The following NEGR1 variants were observed in gnomAD, a reference collection of about 807,000 sequenced individuals.
NEGR1 encodes neuronal growth regulator 1.
A neutral mutation model predicts 40.9 loss-of-function variants in NEGR1; 10 were observed. The ratio of observed to expected loss-of-function variants is 0.24; its 90% CI spans 0.15 to 0.42. The LOEUF is 0.42. Among genes scored for constraint, NEGR1 ranks in the 10% least tolerant of loss-of-function variants. The probability of loss-of-function intolerance (pLI) is 1.00; values close to 1 mark genes in which losing one functional copy is unlikely to be tolerated. For missense variants in NEGR1, 352 were observed against 438.9 expected, an observed-to-expected ratio of 0.80 and a Z score of 1.77; for synonymous variants, 185 against 166.8, an observed-to-expected ratio of 1.11 and a Z score of -0.84.
chr1:71,585,126 G>A (rs1020420422), intron 6 of NEGR1, among the ~76,000 whole-genome samples: 10 of 151,896 alleles, frequency 6.6e-5, no homozygotes, highest in South Asian at 2.1e-4. Flanking sequence ...TTTTTTTGTC[G>A]AATAAAAATA....
At chr1:71,839,799 G>T (rs1659173338) in intron 2 of NEGR1, among the ~76,000 whole-genome samples, 2 of 151,958 alleles carry the variant, frequency 1.3e-5, no homozygotes, top group African/African-American at 4.8e-5. Context: ...CTATGTTTTT[G>T]GAGAAAATCT....
chr1:71,910,496 A>T (rs1661395909), intron 2 of NEGR1, among the ~76,000 whole-genome samples: 1 of 152,188 alleles, frequency 6.6e-6, no homozygotes, highest in African/African-American at 2.4e-5. Flanking sequence ...AATAATGCTG[A>T]TGCTGCTAGA....
chr1:71,703,778 C>G lies in NEGR1; in HGVS notation c.536-5639G>C, dbSNP rs551619398. Reference sequence around the variant, plus strand: ...AGAGAGAAAAATACAAAAAACCAAACAAGCAAATAAAAATACAGAGCCTCG... The same window carrying G: ...AGAGAGAAAAATACAAAAAACCAAAGAAGCAAATAAAAATACAGAGCCTCG... On this transcript the variant is annotated intron_variant, in intron 3 of 6. Coordinates refer to ENST00000357731, the MANE Select transcript of NEGR1 (RefSeq NM_173808.3). Among the ~76,000 whole-genome samples, 67 of 151,530 alleles carry G rather than the reference C, an allele frequency of 4.4e-4. No homozygotes were observed. The South Asian group carries it at 4.8e-3, about 11-fold the overall frequency.
intron 3 of NEGR1, among the ~76,000 whole-genome samples, chr1:71,727,930 T>C (rs550251362): frequency 6.6e-6 from 1 of 152,186 alleles, no homozygotes; most frequent in African/African-American, 2.4e-5. Flanking sequence ...AGGAAGCAAC[T>C]GGAGAGGCTG....
chr1:71,945,695 G>A (rs777587980), intron 1 of NEGR1, among the ~76,000 whole-genome samples: 2 of 151,978 alleles, frequency 1.3e-5, no homozygotes, highest in Non-Finnish European at 2.9e-5. Context: ...AAGTTGTACT[G>A]GGACTGAAAA....
chr1:72,135,404 C>CAAAAA (rs562148946), intron 1 of NEGR1, among the ~76,000 whole-genome samples: 1 of 65,788 alleles, frequency 1.5e-5, no homozygotes, highest in African/African-American at 7.9e-5. Context: ...AAACAAAAAA[C>CAAAAA]AAAAAAAAAA....
intron 1 of NEGR1, among the ~76,000 whole-genome samples, chr1:72,172,943 C>CTGAATAATTGTATT (rs1652017680): frequency 1.3e-5 from 2 of 152,048 alleles, no homozygotes; most frequent in South Asian, 4.1e-4. Flanking sequence ...TACCTTGTGC[C>CTGAATAATTGTATT]CACCTGAATA....
At chr1:71,688,449 G>GATATATATATATATAAAAGATATATATAT (rs1653136645) in intron 4 of NEGR1, among the ~76,000 whole-genome samples, 1 of 105,792 alleles carries the variant, frequency 9.5e-6, no homozygotes, top group Non-Finnish European at 1.8e-5. Context: ...ATATATAAAA[G>GATATATATATATATAAAAGATATATATAT]ATATGTATAT....
intron 6 of NEGR1, among the ~76,000 whole-genome samples, chr1:71,412,088 C>T (rs1646326334): frequency 6.6e-6 from 1 of 152,096 alleles, no homozygotes; most frequent in South Asian, 2.1e-4. Flanking sequence ...GCCTGGGATT[C>T]AAGTATTCCC....
At chr1:71,726,567 A>G (rs1654680931) in intron 3 of NEGR1, among the ~76,000 whole-genome samples, 1 of 152,106 alleles carries the variant, frequency 6.6e-6, no homozygotes, top group African/African-American at 2.4e-5. Context: ...TACTATCAAG[A>G]AGGTTCTCTC....
intron 1 of NEGR1, among the ~76,000 whole-genome samples, chr1:71,940,888 C>A (rs1645952668): frequency 6.6e-6 from 1 of 152,098 alleles, no homozygotes; most frequent in South Asian, 2.1e-4. Flanking sequence ...ATCTCAAATT[C>A]TTTGTTGCAC....
At chr1:71,505,806 T>G (rs186879412) in intron 6 of NEGR1, among the ~76,000 whole-genome samples, 53 of 152,276 alleles carry the variant, frequency 3.5e-4, no homozygotes, top group Admixed American at 2.0e-3. Context: ...TTAGAAAAAG[T>G]CCTGGATGAA....
intron 6 of NEGR1, among the ~76,000 whole-genome samples, chr1:71,436,573 A>C (rs1646511148): frequency 6.6e-6 from 1 of 152,190 alleles, no homozygotes; most frequent in Non-Finnish European, 1.5e-5. Flanking sequence ...TTTTAGAGAA[A>C]TGAAAGCAGA....
chr1:72,015,736 A>G (rs897116983), intron 1 of NEGR1, among the ~76,000 whole-genome samples: 9 of 152,208 alleles, frequency 5.9e-5, no homozygotes, highest in African/African-American at 2.2e-4. Context: ...GGAAAAGCTG[A>G]GGCAGGGCTT....
chr1:72,003,768 C>T (rs1646578800), intron 1 of NEGR1, among the ~76,000 whole-genome samples: 1 of 152,018 alleles, frequency 6.6e-6, no homozygotes, highest in Non-Finnish European at 1.5e-5. Flanking sequence ...TCCCCAGAGC[C>T]AATGCAATGT....
At chr1:72,019,404 A>G (rs1221089820) in intron 1 of NEGR1, among the ~76,000 whole-genome samples, 1 of 152,226 alleles carries the variant, frequency 6.6e-6, no homozygotes, top group Non-Finnish European at 1.5e-5. Context: ...ACTAGAAAAT[A>G]GTGACAGAAA....
chr1:71,635,611 G>A (rs746678400), intron 4 of NEGR1, among the ~76,000 whole-genome samples: 2 of 152,102 alleles, frequency 1.3e-5, no homozygotes, highest in Non-Finnish European at 2.9e-5. Context: ...CTGGCTGGAC[G>A]ATCATGCCAG....
intron 2 of NEGR1, among the ~76,000 whole-genome samples, chr1:71,833,664 G>A (rs973901845): frequency 2.0e-5 from 3 of 151,936 alleles, no homozygotes; most frequent in Non-Finnish European, 2.9e-5. Context: ...CACTTGACTC[G>A]GGCTTCTGAC....
chr1:71,920,695 T>C (rs1645709381), intron 2 of NEGR1, among the ~76,000 whole-genome samples: 4 of 152,222 alleles, frequency 2.6e-5, no homozygotes. Context: ...GCTAAGTTGC[T>C]TTAGAGTTAG....
Sources: allele counts gnomAD v4.1 joint callset (sites outside exome capture counted in the v4.1 genomes callset), GRCh38; gene constraint gnomAD v4.1.1; transcripts MANE v1.5; gene names NCBI Gene and HGNC (gene_info 2026-07-23, HGNC 2026-07-21).